Variants in PTPRD observed in about 807,000 individuals in gnomAD.
PTPRD encodes the protein protein tyrosine phosphatase receptor type D, also known as receptor-type tyrosine-protein phosphatase delta.
PTPRD carries 34 observed loss-of-function variants against 214.5 expected under a neutral mutation model. That is an observed-to-expected ratio of 0.16 (90% CI 0.12 to 0.21). The LOEUF (loss-of-function observed/expected upper bound fraction) is 0.21, where lower values mean the gene tolerates loss of function less well. Ranked by LOEUF, PTPRD falls within the 10% of genes least tolerant of loss-of-function variation. The pLI, the probability that PTPRD is intolerant of heterozygous loss-of-function variation, is 1.00. For missense variants in PTPRD, 2,545 were observed against 2,398.7 expected, an observed-to-expected ratio of 1.06 and a Z score of -1.27; for synonymous variants, 1,128 against 845.7, an observed-to-expected ratio of 1.33 and a Z score of -5.79.
Position 9,692,396 on chromosome 9 carries a change from G to C in PTPRD, c.-287+42137C>G, listed in dbSNP as rs550529121. On this transcript the variant is annotated intron_variant, in intron 7 of 45. Transcript: ENST00000381196. ...TATTGAAGAGACTGTCTTTTCCCTA[G>C]CATACGTTCTTGGCACCTTTGTCAA... 1.2e-4 allele frequency among the ~76,000 whole-genome samples: 18 copies of C among 152,022 alleles called. No individual in the cohort carries two copies. The South Asian group carries it at 3.7e-3, about 31-fold the overall frequency.
At chr9:10,432,786 A>G (rs1443613710) in intron 2 of PTPRD, among the ~76,000 whole-genome samples, 2 of 151,846 alleles carry the variant, frequency 1.3e-5, no homozygotes, top group Non-Finnish European at 2.9e-5. Context: ...TCCCTTCTTC[A>G]CTCACATCTC....
chr9:9,673,351 T>C (rs2096866562), intron 7 of PTPRD, among the ~76,000 whole-genome samples: 1 of 151,998 alleles, frequency 6.6e-6, no homozygotes, highest in East Asian at 1.9e-4. Context: ...GAGAAACTAC[T>C]CAAATATATT....
At chr9:9,942,399 C>G (rs967060416) in intron 4 of PTPRD, among the ~76,000 whole-genome samples, 1 of 152,092 alleles carries the variant, frequency 6.6e-6, no homozygotes, top group Admixed American at 6.6e-5. Context: ...AACCAGCACT[C>G]TCCCCAAAAC....
intron 4 of PTPRD, among the ~76,000 whole-genome samples, chr9:9,945,840 T>C (rs1206280810): frequency 6.6e-6 from 1 of 152,006 alleles, no homozygotes; most frequent in Non-Finnish European, 1.5e-5. Context: ...TCAAAATAAG[T>C]TAAAAATCAG....
At chr9:8,542,706 C>T (rs994325575) in intron 14 of PTPRD, among the ~76,000 whole-genome samples, 1 of 152,230 alleles carries the variant, frequency 6.6e-6, no homozygotes, top group Admixed American at 6.5e-5. Context: ...GCTTTTCCTT[C>T]AGGAATTGGC....
chr9:9,062,993 T>G (rs2099710432), intron 10 of PTPRD, among the ~76,000 whole-genome samples: 1 of 152,164 alleles, frequency 6.6e-6, no homozygotes, highest in Admixed American at 6.5e-5. Context: ...TCACAGTGGG[T>G]AGGGGCTAAA....
chr9:9,154,189 G>A (rs975014928), intron 10 of PTPRD, among the ~76,000 whole-genome samples: 2 of 152,122 alleles, frequency 1.3e-5, no homozygotes, highest in Non-Finnish European at 2.9e-5. Flanking sequence ...GAACATTAAT[G>A]CCACAATGAA....
At chr9:8,792,470 T>C (rs1169612507) in intron 11 of PTPRD, among the ~76,000 whole-genome samples, 3 of 152,162 alleles carry the variant, frequency 2.0e-5, no homozygotes, top group Non-Finnish European at 2.9e-5. Flanking sequence ...CAGAAGCATT[T>C]ATAATGGAGG....
intron 9 of PTPRD, among the ~76,000 whole-genome samples, chr9:9,266,160 T>C (rs1939511909): frequency 1.3e-5 from 2 of 151,472 alleles, no homozygotes; most frequent in Non-Finnish European, 3.0e-5. Flanking sequence ...TTTATAATGA[T>C]AAAAGGGTCA....
intron 3 of PTPRD, among the ~76,000 whole-genome samples, chr9:10,187,336 C>A (rs2099340128): frequency 6.6e-6 from 1 of 152,072 alleles, no homozygotes; most frequent in Non-Finnish European, 1.5e-5. Flanking sequence ...TGAGAGGTAG[C>A]CAATATCATC....
At chr9:9,415,648 A>T (rs539602195) in intron 8 of PTPRD, among the ~76,000 whole-genome samples, 1 of 152,338 alleles carries the variant, frequency 6.6e-6, no homozygotes, top group South Asian at 2.1e-4. Flanking sequence ...ACAAAAAGCC[A>T]TAAGATTACC....
rs149633636 is a variant in PTPRD, at chr9:10,535,322, T to G, written c.-600+77076A>C. Among the ~76,000 whole-genome samples, 71 of 152,232 alleles carry G rather than the reference T, an allele frequency of 4.7e-4. No homozygotes were observed. In the East Asian group the frequency reaches 0.013, roughly 27 times the overall value. On this transcript the variant is annotated intron_variant, in intron 2 of 45. Transcript: ENST00000381196. ...TGCTTCATATTGATGAATCTCAAAT[T>G]TCAGCATAGAAAATCCATTTTAACA...
chr9:9,998,129 A>AATATATATATATAT (rs1555449231), intron 4 of PTPRD, among the ~76,000 whole-genome samples: 1,169 of 91,322 alleles, frequency 0.013, 54 homozygotes, highest in African/African-American at 0.05. Context: ...AAAAAAAAAA[A>AATATATATATATAT]ATATATATAT....
At chr9:8,496,286 A>G (rs1373542529) in intron 26 of PTPRD, among the ~76,000 whole-genome samples, 1 of 151,602 alleles carries the variant, frequency 6.6e-6, no homozygotes, top group Non-Finnish European at 1.5e-5. Context: ...AAGCTTCAGG[A>G]CTTCTTTTAC....
At chr9:10,318,456 C>T (rs995149525) in intron 3 of PTPRD, among the ~76,000 whole-genome samples, 10 of 151,954 alleles carry the variant, frequency 6.6e-5, no homozygotes, top group Admixed American at 2.6e-4. Flanking sequence ...CTCAGGTTCC[C>T]GTCAGGCCTT....
At chr9:8,605,035 T>C (rs1431095284) in intron 14 of PTPRD, among the ~76,000 whole-genome samples, 2 of 152,198 alleles carry the variant, frequency 1.3e-5, no homozygotes, top group Admixed American at 6.5e-5. Flanking sequence ...TAAACTGCCA[T>C]CTTTTAATCT....
At chr9:8,947,736 T>TAA (rs2099074792) in intron 11 of PTPRD, among the ~76,000 whole-genome samples, 1 of 152,150 alleles carries the variant, frequency 6.6e-6, no homozygotes, top group Admixed American at 6.6e-5. Flanking sequence ...TTGCTTTATG[T>TAA]ACATGTTCTG....
intron 3 of PTPRD, among the ~76,000 whole-genome samples, chr9:10,181,049 T>A (rs2099279471): frequency 6.6e-6 from 1 of 152,090 alleles, no homozygotes. Flanking sequence ...GAACTGAAGT[T>A]CCTAGGTAAT....
At chr9:9,579,010 T>A (rs1401662144) in intron 7 of PTPRD, among the ~76,000 whole-genome samples, 2 of 152,156 alleles carry the variant, frequency 1.3e-5, no homozygotes, top group Non-Finnish European at 2.9e-5. Flanking sequence ...AGTATATTGT[T>A]CTTTATCATA....
Sources: allele counts gnomAD v4.1 joint callset (sites outside exome capture counted in the v4.1 genomes callset), GRCh38; gene constraint gnomAD v4.1.1; transcripts MANE v1.5; gene names NCBI Gene and HGNC (gene_info 2026-07-23, HGNC 2026-07-21).